The following GABBR2 variants were observed in gnomAD, a reference collection of about 807,000 sequenced individuals.
The protein encoded by GABBR2 is G-protein coupled receptor 51.
In GABBR2, 23 loss-of-function variants were observed where a neutral mutation model predicts 105.6. The observed-to-expected ratio is 0.22, with a 90% confidence interval of 0.16 to 0.31. The LOEUF is 0.31. Among genes scored for constraint, GABBR2 ranks in the 10% least tolerant of loss-of-function variants. The pLI is 1.00. For synonymous variants in GABBR2, 478 were observed against 499.7 expected, an observed-to-expected ratio of 0.96 and a Z score of 0.58; for missense variants, 734 against 1,245.5, an observed-to-expected ratio of 0.59 and a Z score of 6.18.
chr9:98,494,047 A>G (rs1290115456), intron 4 of GABBR2, among the ~76,000 whole-genome samples: 1 of 152,250 alleles, frequency 6.6e-6, no homozygotes, highest in African/African-American at 2.4e-5. Flanking sequence ...AAAAGACAAT[A>G]TAAAGAGAAG....
intron 11 of GABBR2, among the ~76,000 whole-genome samples, chr9:98,382,194 G>C (rs1831989419): frequency 6.6e-6 from 1 of 152,176 alleles, no homozygotes; most frequent in African/African-American, 2.4e-5. Flanking sequence ...CCCCGGGAAG[G>C]ACTGGGGCCA....
At chr9:98,401,479 T>C (rs1832393877) in intron 8 of GABBR2, among the ~76,000 whole-genome samples, 1 of 152,086 alleles carries the variant, frequency 6.6e-6, no homozygotes, top group Non-Finnish European at 1.5e-5. Flanking sequence ...TCCTGGAACA[T>C]GAGGGCTGGG....
chr9:98,309,577 T>G (rs981987100), intron 14 of GABBR2, among the ~76,000 whole-genome samples: 2 of 152,214 alleles, frequency 1.3e-5, no homozygotes, highest in African/African-American at 4.8e-5. Context: ...TTCCAGCAAC[T>G]TTGCTTGGGG....
chr9:98,631,503 C>T (rs893030812), intron 1 of GABBR2, among the ~76,000 whole-genome samples: 39 of 152,192 alleles, frequency 2.6e-4, no homozygotes, highest in African/African-American at 9.4e-4. Context: ...ACAGATATCT[C>T]TGCCCTCACA....
At chr9:98,332,542 G>A (rs1200698154) in intron 13 of GABBR2, among the ~76,000 whole-genome samples, 1 of 152,214 alleles carries the variant, frequency 6.6e-6, no homozygotes, top group African/African-American at 2.4e-5. Context: ...GCTGGGAGGT[G>A]GCAGAATCTG....
intron 2 of GABBR2, among the ~76,000 whole-genome samples, chr9:98,557,082 G>A (rs1163139832): frequency 1.3e-5 from 2 of 152,126 alleles, no homozygotes; most frequent in Non-Finnish European, 2.9e-5. Flanking sequence ...CTTGGAATAT[G>A]AACATGTTTT....
chr9:98,295,334 G>A (rs1327682460), intron 17 of GABBR2, among the ~76,000 whole-genome samples: 1 of 152,132 alleles, frequency 6.6e-6, no homozygotes, highest in African/African-American at 2.4e-5. Context: ...ATTTTGTGCT[G>A]TGTGTTGGTG....
rs142804626 is a variant in GABBR2 at position 98,386,931 on chromosome 9, T to C, written c.1530-1159A>G. ...AAAAGTGACACCTTGACAAATCACTTAGCCTGGCTGAATTTCCTCACCTGT... is the reference window on the plus strand; with the variant it reads ...AAAAGTGACACCTTGACAAATCACTCAGCCTGGCTGAATTTCCTCACCTGT... On this transcript the variant is annotated intron_variant, in intron 10 of 18. Transcript: ENST00000259455. 9.1e-3 allele frequency among the ~76,000 whole-genome samples: 1,381 copies of C among 152,278 alleles called. 14 individuals carry two copies. The highest frequency in any genetic ancestry group is 0.02 in the African/African-American group (843 of 41,550).
chr9:98,628,155 A>C (rs1447366672), intron 1 of GABBR2, among the ~76,000 whole-genome samples: 1 of 152,236 alleles, frequency 6.6e-6, no homozygotes, highest in Non-Finnish European at 1.5e-5. Flanking sequence ...TGTGTTTAAA[A>C]GTATCCCACT....
chr9:98,389,998 C>T (rs1343651334), intron 9 of GABBR2, among the ~76,000 whole-genome samples: 2 of 152,060 alleles, frequency 1.3e-5, no homozygotes, highest in Non-Finnish European at 1.5e-5. Flanking sequence ...AGGAAAGGGG[C>T]AGATGTGGTA....
Position 98,306,432 on chromosome 9 carries a change from TTACTCAGGA to T in GABBR2, c.2005-96_2005-88del. The T allele has an allele frequency of 1.2e-6, 1 of 810,650 alleles. No individual in the cohort carries two copies. Among genetic ancestry groups the T allele is most frequent in the Non-Finnish European group, 2.1e-6 (1 of 482,312 alleles). 50.2% of individuals were successfully genotyped at this position (810,650 alleles called of 1,614,324 possible). On this transcript the variant is annotated intron_variant, in intron 14 of 18. Coordinates refer to ENST00000259455, the MANE Select transcript of GABBR2 (RefSeq NM_005458.8). This position sits in a 1 kb window ranked among gnomAD's most constrained non-coding sequence, Gnocchi z 5.4. ...CTCTGAGAAGCTGTGGAGTGGAGGG[TTACTCAGGA>T]GGTGGGCTGCAGGGAGGGAGGGTCG...
At chr9:98,627,143 T>C (rs774241181) in intron 1 of GABBR2, among the ~76,000 whole-genome samples, 1 of 152,026 alleles carries the variant, frequency 6.6e-6, no homozygotes, top group Non-Finnish European at 1.5e-5. Flanking sequence ...CAGCCACTGG[T>C]GGGCCGATTT....
intron 2 of GABBR2, among the ~76,000 whole-genome samples, chr9:98,563,520 G>A (rs2131764422): frequency 6.6e-6 from 1 of 152,316 alleles, no homozygotes; most frequent in Non-Finnish European, 1.5e-5. Flanking sequence ...CAGCTTTGCT[G>A]TGCCAAAGGT....
intron 3 of GABBR2, 143 bp downstream of exon 3, chr9:98,541,730 C>T (rs1012059079): frequency 2.2e-5 from 15 of 683,986 alleles, no homozygotes; most frequent in Admixed American, 8.7e-5. Flanking sequence ...ATTTTGTCAA[C>T]GGTGAAACAG....
Position 98,317,074 on chromosome 9 carries a change from G to A in GABBR2, c.1894-5869C>T, listed in dbSNP as rs74464897. ...TATTTGAGGGAGGAAGAACTTAATC[G>A]TTAAATATTCAACAGTGGCTTCCCC... On this transcript the variant is annotated intron_variant, in intron 13 of 18. Coordinates refer to ENST00000259455, the MANE Select transcript of GABBR2 (RefSeq NM_005458.8). Among the ~76,000 whole-genome samples, 562 of 152,320 alleles carry A rather than the reference G, an allele frequency of 3.7e-3. 2 individuals carry two copies. The highest frequency in any genetic ancestry group is 0.012 in the African/African-American group (505 of 41,570).
At chr9:98,556,284 T>C (rs748431516) in intron 2 of GABBR2, among the ~76,000 whole-genome samples, 2 of 152,082 alleles carry the variant, frequency 1.3e-5, no homozygotes, top group Non-Finnish European at 2.9e-5. Flanking sequence ...TCAGAGGACA[T>C]GGGAGGGCCT....
intron 4 of GABBR2, among the ~76,000 whole-genome samples, chr9:98,483,276 C>T (rs1284472789): frequency 1.3e-5 from 2 of 152,144 alleles, no homozygotes; most frequent in Non-Finnish European, 2.9e-5. Flanking sequence ...CTTAATCAGT[C>T]CCAACCCTCC....
chr9:98,314,383 C>T (rs1349505248), intron 13 of GABBR2, among the ~76,000 whole-genome samples: 2 of 152,116 alleles, frequency 1.3e-5, no homozygotes, highest in Non-Finnish European at 2.9e-5. Context: ...TGCAGTAGCA[C>T]GGACCCATTC....
At chr9:98,602,601 C>G (rs1829356739) in intron 1 of GABBR2, among the ~76,000 whole-genome samples, 1 of 152,088 alleles carries the variant, frequency 6.6e-6, no homozygotes, top group South Asian at 2.1e-4. Flanking sequence ...TACAACTCCT[C>G]ATTTTAATAT....
Sources: allele counts gnomAD v4.1 joint callset (sites outside exome capture counted in the v4.1 genomes callset), GRCh38; gene constraint gnomAD v4.1.1; non-coding constraint Gnocchi (gnomAD v3.1); transcripts MANE v1.5; gene names NCBI Gene and HGNC (gene_info 2026-07-23, HGNC 2026-07-21).